Variants in NEBL observed in about 807,000 individuals in gnomAD.
NEBL encodes nebulette.
NEBL carries 122 observed loss-of-function variants against 140.2 expected under a neutral mutation model. That is an observed-to-expected ratio of 0.87 (90% confidence interval 0.75 to 1.01). The LOEUF is 1.01. NEBL is among the 50% of genes least tolerant of loss of function. The pLI, the probability that NEBL is intolerant of heterozygous loss-of-function variation, is 0.00. For synonymous variants in NEBL, 436 were observed against 398.9 expected, an observed-to-expected ratio of 1.09 and a Z score of -1.11; for missense variants, 1,365 against 1,231.3, an observed-to-expected ratio of 1.11 and a Z score of -1.62.
At chr10:21,172,518 C>A (rs760230810) in intron 1 of NEBL, 3 of 1,452,906 alleles carry the variant, frequency 2.1e-6, no homozygotes, top group Admixed American at 1.7e-5. Context: ...CAGTACAATG[C>A]CAGTTCTCAC....
At chr10:20,918,781 G>A (rs1795108233) in intron 4 of NEBL, among the ~76,000 whole-genome samples, 1 of 151,828 alleles carries the variant, frequency 6.6e-6, no homozygotes, top group Admixed American at 6.6e-5. Flanking sequence ...AACCCGGGAG[G>A]TAGAGCTTGC....
intron 1 of NEBL, among the ~76,000 whole-genome samples, chr10:21,287,471 G>A (rs570374931): frequency 6.6e-6 from 1 of 152,144 alleles, no homozygotes; most frequent in South Asian, 2.1e-4. Flanking sequence ...GGGAGGTGGA[G>A]GTTGCAGTGA....
chr10:21,276,125 C>A, intron 1 of NEBL, among the ~76,000 whole-genome samples: 1 of 151,898 alleles, frequency 6.6e-6, no homozygotes, highest in African/African-American at 2.4e-5. Context: ...TGTGCACAAC[C>A]ATGCCTGGCT....
At position 20,831,355 on chromosome 10, in the gene NEBL, G is replaced by A. The variant is rs144688785; in HGVS notation, c.1561-49C>T. 3.5e-4 allele frequency: 532 copies of A among 1,526,936 alleles called. 5 individuals carry two copies. The African/African-American group carries it at 6.6e-3, about 19-fold the overall frequency. 94.6% of individuals were successfully genotyped at this position (1,526,936 alleles called of 1,614,324 possible). The stretch of plus-strand genomic sequence containing the variant: ...AGAGCTTTGCTTAAGCTTTAATAGC[G>A]ATGTTGAAATTTACATGTTTGAATC... On this transcript the variant is annotated intron_variant, in intron 15 of 27. Transcript: ENST00000377122.
intron 3 of NEBL, among the ~76,000 whole-genome samples, chr10:21,196,313 TTTTATTTATTTATTTATTTATTTA>T (rs10629849): frequency 7.1e-6 from 1 of 140,538 alleles, no homozygotes; most frequent in African/African-American, 2.6e-5. Flanking sequence ...ATATTTTTAT[TTTTATTTATTTATTTATTTATTTA>T]TTTATTTATT....
intron 2 of NEBL, among the ~76,000 whole-genome samples, chr10:21,051,100 A>T (rs1415802198): frequency 6.6e-6 from 1 of 152,192 alleles, no homozygotes; most frequent in Non-Finnish European, 1.5e-5. Flanking sequence ...AAGAAATAGA[A>T]TAAAGCACCA....
intron 1 of NEBL, among the ~76,000 whole-genome samples, chr10:21,280,071 A>G (rs1423678894): frequency 6.6e-6 from 1 of 152,166 alleles, no homozygotes; most frequent in Non-Finnish European, 1.5e-5. Context: ...GCCAGTTTTG[A>G]AATAATCTTC....
intron 3 of NEBL, among the ~76,000 whole-genome samples, chr10:21,220,589 C>T (rs1842053675): frequency 6.6e-6 from 1 of 152,078 alleles, no homozygotes; most frequent in Non-Finnish European, 1.5e-5. Flanking sequence ...TTGATCTGGA[C>T]AATGATTTTC....
chr10:21,259,213 G>A (rs929712060), intron 1 of NEBL, among the ~76,000 whole-genome samples: 4 of 151,842 alleles, frequency 2.6e-5, no homozygotes, highest in African/African-American at 7.3e-5. Context: ...TCAGCCTCCC[G>A]AGCAGCTGGG....
intron 2 of NEBL, among the ~76,000 whole-genome samples, chr10:20,891,545 G>A (rs1331941767): frequency 6.6e-6 from 1 of 152,150 alleles, no homozygotes; most frequent in Non-Finnish European, 1.5e-5. Context: ...TCACTGCAGT[G>A]GTATGTGCTT....
chr10:21,092,489 T>C (rs1216894430), intron 2 of NEBL, among the ~76,000 whole-genome samples: 1 of 151,986 alleles, frequency 6.6e-6, no homozygotes, highest in Admixed American at 6.6e-5. Context: ...CTGACCTGCC[T>C]ATAATTTCCC....
At chr10:21,242,538 G>A (rs771493885) in intron 3 of NEBL, among the ~76,000 whole-genome samples, 10 of 151,996 alleles carry the variant, frequency 6.6e-5, no homozygotes, top group South Asian at 2.1e-4. Flanking sequence ...AAAATAATCC[G>A]TACACCAAAC....
At chr10:21,141,549 A>G (rs1839632281) in intron 2 of NEBL, among the ~76,000 whole-genome samples, 1 of 152,248 alleles carries the variant, frequency 6.6e-6, no homozygotes, top group African/African-American at 2.4e-5. Context: ...TGAAACAATG[A>G]AAAACTAATA....
chr10:20,975,215 T>C (rs560503988), intron 3 of NEBL, among the ~76,000 whole-genome samples: 1 of 152,232 alleles, frequency 6.6e-6, no homozygotes, highest in South Asian at 2.1e-4. Flanking sequence ...GACTTTATAA[T>C]TACAAAGAGA....
At chr10:21,151,859 C>G (rs11815419) in intron 2 of NEBL, among the ~76,000 whole-genome samples, 4,384 of 152,266 alleles carry the variant, frequency 0.029, 197 homozygotes, top group African/African-American at 0.096. Flanking sequence ...TTCCCCTGCT[C>G]CATTTTTCTC....
At chr10:21,001,233 G>T (rs10828172) in intron 3 of NEBL, among the ~76,000 whole-genome samples, 8,456 of 152,202 alleles carry the variant, frequency 0.056, 781 homozygotes, top group East Asian at 0.41. Flanking sequence ...GCACCTGGTT[G>T]TCACATTCCA....
chr10:21,251,661 C>T (rs1333010210), intron 2 of NEBL, among the ~76,000 whole-genome samples: 1 of 152,080 alleles, frequency 6.6e-6, no homozygotes, highest in Non-Finnish European at 1.5e-5. Context: ...GGAAGTAGGG[C>T]TTTTGAGAAG....
At chr10:20,803,484 C>G (rs11012349) in intron 26 of NEBL, among the ~76,000 whole-genome samples, 34,490 of 152,002 alleles carry the variant, frequency 0.23, 4,778 homozygotes, top group East Asian at 0.41. Flanking sequence ...AAAATTTTAA[C>G]TACATTTTGT....
At chr10:21,112,404 A>C (rs1259846757) in intron 2 of NEBL, among the ~76,000 whole-genome samples, 2 of 152,124 alleles carry the variant, frequency 1.3e-5, no homozygotes, top group Non-Finnish European at 2.9e-5. Context: ...GGAATACTAT[A>C]CAACCATAAA....
Sources: gnomAD v4.1 joint callset for allele counts (sites outside exome capture counted in the v4.1 genomes callset) on GRCh38, gnomAD v4.1.1 for gene constraint, MANE v1.5 for transcripts, NCBI Gene and HGNC (gene_info 2026-07-23, HGNC 2026-07-21) for gene names.